Variants in SEC61G observed in about 807,000 individuals in gnomAD.
SEC61G encodes the protein protein transport protein Sec61 subunit gamma.
SEC61G carries 4 observed loss-of-function variants against 7.5 expected under a neutral mutation model. The observed-to-expected ratio is 0.54, with a 90% CI of 0.26 to 1.22. The LOEUF (loss-of-function observed/expected upper bound fraction) is 1.22. Among genes scored for constraint, SEC61G ranks in the 50% most tolerant of loss-of-function variants. The probability of loss-of-function intolerance (pLI) is 0.12; values close to 1 mark genes in which losing one functional copy is unlikely to be tolerated. For synonymous variants in SEC61G, 24 were observed against 24.4 expected (o/e 0.98, Z 0.05); for missense variants, 53 against 84.6 (o/e 0.63, Z 1.46).
chr7:54,755,833 C>T lies in SEC61G; in HGVS notation c.143G>A (p.Gly48Glu). 1.3e-6 allele frequency: 2 copies of T among 1,593,032 alleles called. No homozygotes were observed. Among genetic ancestry groups the T allele is most frequent in the South Asian group, 1.1e-5 (1 of 87,634 alleles). The part of the protein sequence containing the change: ...MATAIGFAIM[G>E]FIGFFVKLIH... ...CAATTTCACAAAGAAGCCAATGAATCCCATTATAGCAAATCCTATTGCTGT... is the reference window on the plus strand; with the variant it reads ...CAATTTCACAAAGAAGCCAATGAATTCCATTATAGCAAATCCTATTGCTGT... Residue 48 changes from glycine (G) to glutamate (E), a missense_variant, in exon 3 of 4, where the codon GGA becomes GAA. By Grantham distance (98) the Gly-to-Glu change is moderately conservative (BLOSUM62 -2). Transcript: ENST00000352861.
In SEC61G at chr7:54,755,772, T is replaced by G. The variant is rs776340928; in HGVS notation, c.197+7A>C. ...CAATCCTAGTCTATTTCATAAAGTT[T>G]ACTTACACAATGATGTTATTAATAG... is the stretch of plus-strand genomic sequence containing the variant. On this transcript the variant is annotated splice_region_variant and intron_variant, in intron 3 of 3. Coordinates refer to ENST00000352861, the MANE Select transcript of SEC61G (RefSeq NM_014302.4). The G allele has an allele frequency of 6.9e-7, 1 of 1,438,890 alleles. No homozygotes were observed. The highest frequency in any genetic ancestry group is 1.3e-5 in the South Asian group (1 of 78,202). The allele number at this position is 1,438,890 out of a possible 1,614,324, so 89.1% of individuals were successfully genotyped here.
intron 3 of SEC61G, 128 bp from the exon 4 acceptor site, chr7:54,752,548 T>A: frequency 1.9e-6 from 1 of 521,910 alleles, no homozygotes. Flanking sequence ...CCTAACTTCA[T>A]CTAAAGATGG....
chr7:54,756,934 A>G (rs1791527006), intron 2 of SEC61G, among the ~76,000 whole-genome samples: 1 of 147,966 alleles, frequency 6.8e-6, no homozygotes, highest in Non-Finnish European at 1.5e-5. Flanking sequence ...TATATTATAT[A>G]CTATATACTA....
At chr7:54,758,962 G>A (rs1033062685) in intron 1 of SEC61G, 196 bp downstream of exon 1, 83 of 308,984 alleles carry the variant, frequency 2.7e-4, no homozygotes, top group African/African-American at 1.7e-3. Context: ...GCGGCCCTGG[G>A]TCTGCCTTCC....
chr7:54,752,527 T>A, intron 3 of SEC61G, 107 bp from the exon 4 acceptor site: 1 of 585,208 alleles, frequency 1.7e-6, no homozygotes, highest in South Asian at 3.3e-5. Flanking sequence ...AGACCAATTA[T>A]GTGAATCCCA....
In SEC61G at chr7:54,758,215, C is replaced by G. The variant is rs371340003; in HGVS notation, c.-6-621G>C. ...GAGAAGCTACTAGCTAAATTTCAAA[C>G]TTTTCGATTTGAACACATCTTTTAA... On this transcript the variant is annotated intron_variant, in intron 1 of 3. Coordinates refer to ENST00000352861, the MANE Select transcript of SEC61G (RefSeq NM_014302.4). Among the ~76,000 whole-genome samples, 11 of 152,296 alleles carry G rather than the reference C, an allele frequency of 7.2e-5. No homozygotes were observed. The South Asian group carries it at 1.2e-3, about 17-fold the overall frequency.
intron 2 of SEC61G, 64 bp from the exon 3 acceptor site, chr7:54,755,945 C>T (rs1159873159): frequency 2.4e-6 from 2 of 833,188 alleles, no homozygotes; most frequent in Non-Finnish European, 3.8e-6. Context: ...GGGAAAAAAA[C>T]TATCAGCAAC....
chr7:54,756,778 C>T (rs546645113), intron 2 of SEC61G, among the ~76,000 whole-genome samples: 11 of 152,120 alleles, frequency 7.2e-5, no homozygotes, highest in African/African-American at 2.4e-4. Flanking sequence ...AAACTTCCTT[C>T]TAGTTATCTT....
rs759479565 is a variant in SEC61G at position 54,757,597 on chromosome 7, G to T, written c.-6-3C>A. ...TGCATTACCTGATCCATGACTGCCT[G>T]TTTAAAACAAAAAAGATACTCACTG... On this transcript the variant is annotated splice_region_variant and splice_polypyrimidine_tract_variant and intron_variant, in intron 1 of 3. Transcript: ENST00000352861. 4.7e-5 allele frequency: 76 copies of T among 1,611,702 alleles called. No homozygotes were observed. Among genetic ancestry groups the T allele is most frequent in the Non-Finnish European group, 3.4e-6 (4 of 1,178,494 alleles).
intron 3 of SEC61G, among the ~76,000 whole-genome samples, chr7:54,753,557 C>A (rs2116340581): frequency 6.6e-6 from 1 of 152,202 alleles, no homozygotes; most frequent in East Asian, 1.9e-4. Flanking sequence ...AATGATTATC[C>A]TCTTTCAAGC....
At chr7:54,754,777 T>A (rs767136592) in intron 3 of SEC61G, 1 of 152,142 alleles carries the variant, frequency 6.6e-6, no homozygotes, top group African/African-American at 2.4e-5. Context: ...TTGATTTCAA[T>A]ACCATATGGA....
At chr7:54,757,202 C>T (rs1269458040) in intron 2 of SEC61G, among the ~76,000 whole-genome samples, 2 of 151,798 alleles carry the variant, frequency 1.3e-5, no homozygotes, top group African/African-American at 2.4e-5. Context: ...GACTTCAAAG[C>T]TTTTCCAAAG....
chr7:54,758,605 A>G (rs1204376772), intron 1 of SEC61G, among the ~76,000 whole-genome samples: 2 of 152,176 alleles, frequency 1.3e-5, no homozygotes, highest in Admixed American at 6.5e-5. Flanking sequence ...AAGGGCTTAA[A>G]CTTTTTGTAA....
At chr7:54,756,428 G>C (rs1286752649) in intron 2 of SEC61G, among the ~76,000 whole-genome samples, 5 of 152,128 alleles carry the variant, frequency 3.3e-5, no homozygotes, top group African/African-American at 1.2e-4. Flanking sequence ...GGCCGAAGTG[G>C]GCAGATCACC....
At chr7:54,753,121 C>A (rs1791445335) in intron 3 of SEC61G, among the ~76,000 whole-genome samples, 1 of 151,658 alleles carries the variant, frequency 6.6e-6, no homozygotes, top group Admixed American at 6.6e-5. Flanking sequence ...GAAACCCCGT[C>A]TCTACTAAAA....
At chr7:54,757,150 C>CA (rs1330557341) in intron 2 of SEC61G, among the ~76,000 whole-genome samples, 1 of 151,800 alleles carries the variant, frequency 6.6e-6, no homozygotes, top group African/African-American at 2.4e-5. Context: ...TTGTTGGTTT[C>CA]ATGTTAAGGT....
chr7:54,757,881 G>A (rs1207017691), intron 1 of SEC61G, among the ~76,000 whole-genome samples: 1 of 152,164 alleles, frequency 6.6e-6, no homozygotes, highest in African/African-American at 2.4e-5. Context: ...TCTATTAAAA[G>A]GTTAAAAAAG....
At chr7:54,757,690 T>C (rs1791547710) in intron 1 of SEC61G, 96 bp from the exon 2 acceptor site, 1 of 920,746 alleles carries the variant, frequency 1.1e-6, no homozygotes, top group South Asian at 1.6e-5. Context: ...AGCCACTGAA[T>C]TCACGTCTAA....
At chr7:54,757,228 T>C (rs935380313) in intron 2 of SEC61G, among the ~76,000 whole-genome samples, 2 of 152,132 alleles carry the variant, frequency 1.3e-5, no homozygotes, top group Middle Eastern at 3.4e-3. Context: ...ATATGTAAGA[T>C]ACTAAAAGTC....
Sources: gnomAD v4.1 joint callset for allele counts (sites outside exome capture counted in the v4.1 genomes callset) on GRCh38, gnomAD v4.1.1 for gene constraint, MANE v1.5 for transcripts, NCBI Gene and HGNC (gene_info 2026-07-23, HGNC 2026-07-21) for gene names.